ITPR2: variants seen among roughly 807,000 people sequenced by gnomAD.
ITPR2 encodes the protein inositol 1,4,5-trisphosphate-gated calcium channel ITPR2.
In ITPR2, 207 loss-of-function variants were observed where a neutral mutation model predicts 317.1. The ratio of observed to expected loss-of-function variants is 0.65; its 90% CI spans 0.58 to 0.73. The LOEUF (loss-of-function observed/expected upper bound fraction) is 0.73. Ranked by LOEUF, ITPR2 falls within the 30% of genes least tolerant of loss-of-function variation. The probability of loss-of-function intolerance (pLI) is 0.00; values close to 1 mark genes in which losing one functional copy is unlikely to be tolerated. For synonymous variants in ITPR2, 1,156 were observed against 1,149.1 expected (o/e 1.01, Z -0.12); for missense variants, 2,613 against 3,284.0 (o/e 0.80, Z 4.99).
At chr12:26,665,501 T>C (rs1446983826) in intron 14 of ITPR2, among the ~76,000 whole-genome samples, 1 of 152,238 alleles carries the variant, frequency 6.6e-6, no homozygotes, top group Non-Finnish European at 1.5e-5. Context: ...ATGTTACTTC[T>C]AAGATTACGT....
chr12:26,798,409 T>A (rs1167619204), intron 1 of ITPR2, among the ~76,000 whole-genome samples: 2 of 152,230 alleles, frequency 1.3e-5, no homozygotes, highest in Non-Finnish European at 2.9e-5. Context: ...CTCTGACATG[T>A]ATCATAATTT....
At chr12:26,704,731 GAAT>G (rs1948519352) in intron 9 of ITPR2, among the ~76,000 whole-genome samples, 1 of 152,028 alleles carries the variant, frequency 6.6e-6, no homozygotes, top group East Asian at 1.9e-4. Context: ...TTTAATTCCA[GAAT>G]AATACTATAT....
intron 3 of ITPR2, among the ~76,000 whole-genome samples, chr12:26,725,220 T>G (rs1948900143): frequency 6.6e-6 from 1 of 152,154 alleles, no homozygotes; most frequent in African/African-American, 2.4e-5. Context: ...ATTCTGAAAG[T>G]ACCAGGAATT....
chr12:26,435,596 C>T (rs1163066806), intron 48 of ITPR2, among the ~76,000 whole-genome samples: 1 of 152,126 alleles, frequency 6.6e-6, no homozygotes, highest in Admixed American at 6.6e-5. Context: ...GTATATTTCT[C>T]CTATATTTCT....
At chr12:26,784,276 T>G (rs77561679) in intron 2 of ITPR2, among the ~76,000 whole-genome samples, 22,874 of 46,676 alleles carry the variant, frequency 0.49, 4,014 homozygotes, top group Non-Finnish European at 0.56. Flanking sequence ...CCTCTCCCTC[T>G]CCCTCTCCCT....
intron 36 of ITPR2, among the ~76,000 whole-genome samples, chr12:26,555,942 T>C (rs1416175349): frequency 6.6e-6 from 1 of 152,218 alleles, no homozygotes. Context: ...TCACACCATA[T>C]AATTATGGAA....
chr12:26,426,498 T>C (rs1941065446), intron 49 of ITPR2, among the ~76,000 whole-genome samples: 1 of 152,192 alleles, frequency 6.6e-6, no homozygotes, highest in African/African-American at 2.4e-5. Context: ...GTGAGGCAGG[T>C]AGGGCTAAAT....
intron 7 of ITPR2, 27 bp downstream of exon 7, chr12:26,715,725 C>A (rs1208520548): frequency 2.9e-6 from 4 of 1,383,842 alleles, no homozygotes; most frequent in Non-Finnish European, 4.1e-6. Context: ...TTTCTCCCAG[C>A]AAATGTCCTG....
chr12:26,780,661 T>C (rs1950060524), intron 2 of ITPR2, among the ~76,000 whole-genome samples: 1 of 152,194 alleles, frequency 6.6e-6, no homozygotes, highest in African/African-American at 2.4e-5. Context: ...AAGCTGTGTA[T>C]GTTCTGAATC....
chr12:26,646,627 A>G (rs965254596), intron 21 of ITPR2, among the ~76,000 whole-genome samples: 1 of 152,298 alleles, frequency 6.6e-6, no homozygotes, highest in South Asian at 2.1e-4. Flanking sequence ...GGTTGGGTCC[A>G]CAGGGCTGTA....
chr12:26,738,071 T>C (rs1371397025), intron 2 of ITPR2, among the ~76,000 whole-genome samples: 1 of 152,108 alleles, frequency 6.6e-6, no homozygotes, highest in East Asian at 1.9e-4. Context: ...GACTGAGCAC[T>C]CTATGCCAAG....
chr12:26,357,478 A>G (rs756246412), intron 55 of ITPR2, among the ~76,000 whole-genome samples: 4 of 152,168 alleles, frequency 2.6e-5, no homozygotes, highest in Non-Finnish European at 5.9e-5. Flanking sequence ...CATTTGGCAG[A>G]TTCTCTTGAT....
At chr12:26,688,534 A>G (rs1350747521) in intron 10 of ITPR2, among the ~76,000 whole-genome samples, 1 of 152,140 alleles carries the variant, frequency 6.6e-6, no homozygotes, top group Non-Finnish European at 1.5e-5. Flanking sequence ...AGGAAGAAGG[A>G]GAAGCAGAGG....
At chr12:26,731,253 T>C (rs1949024151) in intron 2 of ITPR2, among the ~76,000 whole-genome samples, 1 of 152,146 alleles carries the variant, frequency 6.6e-6, no homozygotes, top group Admixed American at 6.5e-5. Context: ...AAACACCTCA[T>C]AACCATAGGG....
intron 48 of ITPR2, among the ~76,000 whole-genome samples, chr12:26,432,645 G>A (rs7955049): frequency 0.73 from 111,043 of 151,908 alleles, 41,071 homozygotes; most frequent in Non-Finnish European, 0.8. Context: ...ATTTATTTCC[G>A]TCATTCTGTC....
Position 26,476,684 on chromosome 12 carries a change from T to C in ITPR2, c.6219+228A>G, listed in dbSNP as rs1465310669. Among the ~76,000 whole-genome samples, 4 of 152,184 alleles carry C rather than the reference T, an allele frequency of 2.6e-5. No homozygotes were observed. The East Asian group carries it at 7.7e-4, about 29-fold the overall frequency. Reference sequence around the variant, plus strand: ...GTTTAGTATAGTGTGATAAGTTGGCTAAGAAAAGTGCTTAGAGTGGATAAA... The same window carrying C: ...GTTTAGTATAGTGTGATAAGTTGGCCAAGAAAAGTGCTTAGAGTGGATAAA... On this transcript the variant is annotated intron_variant, in intron 44 of 56. Coordinates refer to ENST00000381340, the MANE Select transcript of ITPR2 (RefSeq NM_002223.4).
At position 26,352,194 on chromosome 12, in the gene ITPR2, C is replaced by T. The variant is rs140284974; in HGVS notation, c.7858-11866G>A. Among the ~76,000 whole-genome samples, 189 of 152,316 alleles carry T rather than the reference C, an allele frequency of 1.2e-3. No homozygotes were observed. The Middle Eastern group carries it at 0.021, about 17-fold the overall frequency. ...AGAGCTCAGTCATATGACCAAAGGG[C>T]GACCCATCAGATGCTCTTGCCTGAG... On this transcript the variant is annotated intron_variant, in intron 55 of 56. Coordinates refer to ENST00000381340, the MANE Select transcript of ITPR2 (RefSeq NM_002223.4).
chr12:26,436,024 T>A (rs925579605), intron 48 of ITPR2, among the ~76,000 whole-genome samples, 197 bp downstream of exon 48: 5 of 152,228 alleles, frequency 3.3e-5, no homozygotes, highest in African/African-American at 1.2e-4. Flanking sequence ...TAATAACAAT[T>A]GTGTATATGA....
At chr12:26,583,368 T>G (rs1945447776) in intron 32 of ITPR2, among the ~76,000 whole-genome samples, 1 of 152,166 alleles carries the variant, frequency 6.6e-6, no homozygotes, top group South Asian at 2.1e-4. Flanking sequence ...TAACATATTT[T>G]TATGAGCTCT....
Sources: gnomAD v4.1 joint callset for allele counts (sites outside exome capture counted in the v4.1 genomes callset) on GRCh38, gnomAD v4.1.1 for gene constraint, MANE v1.5 for transcripts, NCBI Gene and HGNC (gene_info 2026-07-23, HGNC 2026-07-21) for gene names.